Variants in TNRC6C observed in about 807,000 individuals in gnomAD.
TNRC6C encodes the protein trinucleotide repeat-containing gene 6C protein.
A neutral mutation model predicts 153.7 loss-of-function variants in TNRC6C; 20 were observed. The observed-to-expected ratio is 0.13, with a 90% CI of 0.09 to 0.19. The LOEUF is 0.19. Ranked by LOEUF, TNRC6C falls within the 10% of genes least tolerant of loss-of-function variation. TNRC6C has a pLI of 1.00. For synonymous variants in TNRC6C, 811 were observed against 841.4 expected, an observed-to-expected ratio of 0.96 and a Z score of 0.63; for missense variants, 1,987 against 2,172.0, an observed-to-expected ratio of 0.91 and a Z score of 1.69.
At chr17:77,993,854 C>T (rs1282165655) in intron 1 of TNRC6C, among the ~76,000 whole-genome samples, 1 of 151,630 alleles carries the variant, frequency 6.6e-6, no homozygotes, top group Admixed American at 6.6e-5. Flanking sequence ...GGGTTGTTTC[C>T]TGCAGCAATA....
intron 1 of TNRC6C, among the ~76,000 whole-genome samples, chr17:77,998,904 T>C (rs2071369794): frequency 6.6e-6 from 1 of 152,204 alleles, no homozygotes; most frequent in East Asian, 1.9e-4. Context: ...TAGAAAACAC[T>C]GGTTTGTTGT....
intron 2 of TNRC6C, among the ~76,000 whole-genome samples, chr17:78,033,015 A>G (rs766168812): frequency 6.6e-6 from 1 of 152,256 alleles, no homozygotes; most frequent in Admixed American, 6.5e-5. Flanking sequence ...ACAATCAAAC[A>G]TGCTACTTTC....
At chr17:78,087,168 A>C in intron 13 of TNRC6C, 75 bp downstream of exon 15, 1 of 1,555,776 alleles carries the variant, frequency 6.4e-7, no homozygotes, top group Non-Finnish European at 8.7e-7. Flanking sequence ...TAGCCAGGGC[A>C]GCATTTCAGT....
chr17:78,017,771 G>GCC (rs1026313663), intron 1 of TNRC6C, among the ~76,000 whole-genome samples: 17 of 152,204 alleles, frequency 1.1e-4, no homozygotes, highest in Non-Finnish European at 2.4e-4. Flanking sequence ...CTAGGCTTCA[G>GCC]CCCCCGAAGG....
At chr17:78,086,864 A>C in exon 13 of TNRC6C, 4 of 1,612,166 alleles carry the variant, frequency 2.5e-6, no homozygotes, top group Non-Finnish European at 2.5e-6. Flanking sequence ...TTGCGCGCAC[A>C]ATCACTAATC....
chr17:77,963,066 T>A (rs2070873391), intron 1 of TNRC6C, among the ~76,000 whole-genome samples: 1 of 152,224 alleles, frequency 6.6e-6, no homozygotes, highest in Non-Finnish European at 1.5e-5. Flanking sequence ...AATTGTGTGG[T>A]CACGAGGAGA....
chr17:78,075,333 T>C lies in TNRC6C; in HGVS notation c.3060+55T>C. The C allele has an allele frequency of 6.5e-7, 1 of 1,537,702 alleles. No individual in the cohort carries two copies. Among genetic ancestry groups the C allele is most frequent in the South Asian group, 1.2e-5 (1 of 83,538 alleles). On this transcript the variant is annotated intron_variant, in intron 8 of 19. Coordinates refer to ENST00000301624, the Ensembl canonical transcript of TNRC6C. The surrounding 1 kb of genome is among the most constrained non-coding windows in gnomAD (Gnocchi z 4.2). Reference sequence around the variant, plus strand: ...CTTTTTTAACAAGAGGAGTTTTTCATTTCAACTGTGTCCTTAATACAAGCC... The same window carrying C: ...CTTTTTTAACAAGAGGAGTTTTTCACTTCAACTGTGTCCTTAATACAAGCC...
At chr17:78,089,563 A>G (rs115065985) in intron 13 of TNRC6C, among the ~76,000 whole-genome samples, 7 of 152,126 alleles carry the variant, frequency 4.6e-5, no homozygotes, top group Non-Finnish European at 8.8e-5. Context: ...GGGGGCTCCT[A>G]GCTACCTTCC....
At chr17:78,098,263 C>T in intron 16 of TNRC6C, 80 bp from the exon 20 acceptor site, 2 of 1,370,434 alleles carry the variant, frequency 1.5e-6, no homozygotes, top group Non-Finnish European at 2.0e-6. Context: ...AGAGAGCACT[C>T]TGTGTGGCTC....
At position 78,098,551 on chromosome 17, in the gene TNRC6C, T is replaced by G; in HGVS notation, c.4501+14T>G. The G allele has an allele frequency of 6.2e-7, 1 of 1,606,882 alleles. No individual in the cohort carries two copies. The highest frequency in any genetic ancestry group is 8.5e-7 in the Non-Finnish European group (1 of 1,177,148). On this transcript the variant is annotated intron_variant, in intron 17 of 19. Coordinates refer to ENST00000301624, the Ensembl canonical transcript of TNRC6C. ...CCTACTCCTCGGGTAAGCTCCATGC[T>G]CCTCGTGTTCCGATGGGGGCCTTAC...
At chr17:78,035,527 A>G (rs2072162198) in intron 2 of TNRC6C, among the ~76,000 whole-genome samples, 1 of 152,204 alleles carries the variant, frequency 6.6e-6, no homozygotes, top group African/African-American at 2.4e-5. Context: ...TTGAAACACC[A>G]TTGTGAAGCA....
chr17:77,960,630 A>G (rs9913855), intron 1 of TNRC6C, among the ~76,000 whole-genome samples: 11,009 of 152,216 alleles, frequency 0.072, 1,017 homozygotes, highest in African/African-American at 0.22. Flanking sequence ...TCAGTACTGT[A>G]TGAAAGAATA....
exon 3 of TNRC6C, chr17:78,050,958 C>T: frequency 1.2e-6 from 2 of 1,613,924 alleles, no homozygotes; most frequent in Non-Finnish European, 1.7e-6. Flanking sequence ...GTTGGAATGA[C>T]ACCACGAGAT....
Position 78,075,505 on chromosome 17 carries a change from C to T in TNRC6C, c.3060+227C>T. On this transcript the variant is annotated intron_variant, in intron 8 of 19. Transcript: ENST00000301624. The surrounding 1 kb of genome is among the most constrained non-coding windows in gnomAD (Gnocchi z 4.2). ...AAGACTGGGATTGAAAACTGATTTTCATATTTATTGTGTGAACTTGGCTGG... is the reference window on the plus strand; with the variant it reads ...AAGACTGGGATTGAAAACTGATTTTTATATTTATTGTGTGAACTTGGCTGG... The T allele has an allele frequency of 1.8e-6, 1 of 569,778 alleles. No homozygotes were observed. The highest frequency in any genetic ancestry group is 4.9e-4 in the Middle Eastern group (1 of 2,044). 35.3% of individuals were successfully genotyped at this position (569,778 alleles called of 1,614,324 possible). A position where few individuals can be genotyped will look rare whatever the true frequency, so the allele number is the denominator to read the frequency against.
chr17:78,039,309 G>GCCCCCCCCCCCCCCCCCCCCCCCCCC (rs11306576), intron 2 of TNRC6C, among the ~76,000 whole-genome samples: 1 of 113,464 alleles, frequency 8.8e-6, no homozygotes, highest in African/African-American at 3.6e-5. Flanking sequence ...TTCAAATCTT[G>GCCCCCCCCCCCCCCCCCCCCCCCCCC]CCCCCCCCCC....
At chr17:78,032,116 G>A (rs547999076) in intron 2 of TNRC6C, among the ~76,000 whole-genome samples, 17 of 152,274 alleles carry the variant, frequency 1.1e-4, no homozygotes, top group Non-Finnish European at 2.2e-4. Context: ...TGGTCCATAC[G>A]AACCCATCAA....
intron 1 of TNRC6C, among the ~76,000 whole-genome samples, chr17:77,993,987 G>A (rs550506367): frequency 1.2e-4 from 18 of 152,110 alleles, no homozygotes; most frequent in East Asian, 3.9e-4. Flanking sequence ...GAGGTCAGGC[G>A]TTTGAGCCCA....
Position 77,971,293 on chromosome 17 carries a change from A to G in TNRC6C, c.-38+12025A>G, listed in dbSNP as rs2070938132. Among the ~76,000 whole-genome samples the G allele has an allele frequency of 3.3e-5, 5 of 152,194 alleles. No homozygotes were observed. In the South Asian group the frequency reaches 1.0e-3, roughly 31 times the overall value. On this transcript the variant is annotated intron_variant, in intron 1 of 22. Transcript: ENST00000636222. ...AATTGGTTTCTGTCTTTGCCAGATC[A>G]AATTCTAAATTTCCTAAAATAGCTA... is the stretch of plus-strand genomic sequence containing the variant.
intron 7 of TNRC6C, among the ~76,000 whole-genome samples, chr17:78,073,681 G>A (rs771462137): frequency 1.3e-5 from 2 of 152,154 alleles, no homozygotes; most frequent in Non-Finnish European, 2.9e-5. Flanking sequence ...GACATACAGG[G>A]TTGGGTTCCT....
Sources: gnomAD v4.1 joint callset for allele counts (sites outside exome capture counted in the v4.1 genomes callset) on GRCh38, gnomAD v4.1.1 for gene constraint, Gnocchi (gnomAD v3.1) non-coding constraint, MANE v1.5 for transcripts, NCBI Gene and HGNC (gene_info 2026-07-23, HGNC 2026-07-21) for gene names.